ITGA8: variants seen among roughly 807,000 people sequenced by gnomAD.
The protein encoded by ITGA8 is integrin subunit alpha 8, also known as integrin alpha-8.
In ITGA8, 91 loss-of-function variants were observed where a neutral mutation model predicts 142.3. The ratio of observed to expected loss-of-function variants is 0.64; its 90% confidence interval spans 0.54 to 0.76. The LOEUF (loss-of-function observed/expected upper bound fraction) is 0.76, where lower values mean the gene tolerates loss of function less well. ITGA8 is among the 30% of genes least tolerant of loss of function. The pLI is 0.00. For missense variants in ITGA8, 1,406 were observed against 1,327.7 expected (o/e 1.06, Z -0.92); for synonymous variants, 505 against 485.2 (o/e 1.04, Z -0.54).
At chr10:15,628,333 T>C (rs941075337) in intron 13 of ITGA8, among the ~76,000 whole-genome samples, 5 of 126,920 alleles carry the variant, frequency 3.9e-5, no homozygotes, top group Admixed American at 2.4e-4. Flanking sequence ...GGTTTTTTTT[T>C]TTTTTTTTTT....
rs1564409337 is a variant in ITGA8, at chr10:15,687,969, G to C, written c.413C>G (p.Ala138Gly). ...IEFKSNQWFG[A>G]TVKAHKGKVV... ...TTTTCCTTTGTGAGCTTTCACTGTT[G>C]CTCCAAACCACTGATTGGATTTGAA... Residue 138 changes from alanine (A) to glycine (G), a missense_variant, in exon 3 of 30, where the codon GCA (alanine) becomes GGA (glycine). By Grantham distance (60) the Ala-to-Gly change is moderately conservative. Coordinates refer to ENST00000378076, the MANE Select transcript of ITGA8 (RefSeq NM_003638.3). 6.2e-7 allele frequency: 1 copy of C among 1,612,952 alleles called. No individual in the cohort carries two copies. Among genetic ancestry groups the C allele is most frequent in the East Asian group, 2.2e-5 (1 of 44,864 alleles).
At chr10:15,658,968 TTTTA>T (rs751074516) in intron 10 of ITGA8, 27 bp downstream of exon 10, 13 of 1,392,238 alleles carry the variant, frequency 9.3e-6, no homozygotes, top group Admixed American at 1.8e-5. Flanking sequence ...CCCAGAGTGA[TTTTA>T]TTTATTTGAT....
chr10:15,601,539 G>A (rs956654620), intron 20 of ITGA8, among the ~76,000 whole-genome samples: 6 of 152,122 alleles, frequency 3.9e-5, no homozygotes, highest in Non-Finnish European at 7.3e-5. Flanking sequence ...TCACTGAACT[G>A]CGCACTTGAA....
At chr10:15,521,415 T>C (rs891189309) in intron 28 of ITGA8, among the ~76,000 whole-genome samples, 3 of 152,038 alleles carry the variant, frequency 2.0e-5, no homozygotes, top group Non-Finnish European at 4.4e-5. Context: ...TTGATCCGCA[T>C]CCCCCATGCA....
chr10:15,614,326 C>T (rs1211741966), intron 14 of ITGA8, among the ~76,000 whole-genome samples: 1 of 152,096 alleles, frequency 6.6e-6, no homozygotes, highest in African/African-American at 2.4e-5. Flanking sequence ...TAATTCTGTA[C>T]ATCAGCCAGA....
At chr10:15,658,343 T>A (rs1347104265) in intron 10 of ITGA8, among the ~76,000 whole-genome samples, 1 of 152,158 alleles carries the variant, frequency 6.6e-6, no homozygotes, top group Non-Finnish European at 1.5e-5. Context: ...TATAGACTAT[T>A]GAAAGATTCA....
intron 2 of ITGA8, among the ~76,000 whole-genome samples, chr10:15,710,900 A>G (rs1835351759): frequency 6.6e-6 from 1 of 152,178 alleles, no homozygotes; most frequent in East Asian, 1.9e-4. Context: ...TCGTGTCAGT[A>G]TGTCCTGGAA....
intron 13 of ITGA8, among the ~76,000 whole-genome samples, chr10:15,639,667 G>A (rs1386921024): frequency 6.6e-6 from 1 of 152,212 alleles, no homozygotes; most frequent in African/African-American, 2.4e-5. Flanking sequence ...TGTTTGCACA[G>A]TCAGCAGGGA....
chr10:15,672,530 A>C (rs1297063506), intron 7 of ITGA8, 94 bp downstream of exon 7: 3 of 1,419,596 alleles, frequency 2.1e-6, no homozygotes, highest in African/African-American at 2.9e-5. Context: ...TAAGATGCCA[A>C]ATAACATCGG....
chr10:15,635,338 A>C (rs1284731881), intron 13 of ITGA8, among the ~76,000 whole-genome samples: 1 of 152,136 alleles, frequency 6.6e-6, no homozygotes, highest in Non-Finnish European at 1.5e-5. Flanking sequence ...GATCCTTAAT[A>C]ATCTACCCAA....
intron 2 of ITGA8, among the ~76,000 whole-genome samples, chr10:15,713,326 G>T (rs1405418190): frequency 6.6e-6 from 1 of 152,176 alleles, no homozygotes; most frequent in African/African-American, 2.4e-5. Context: ...TGTGGTGTGT[G>T]CTTGTGTGCA....
In ITGA8 at chr10:15,597,237, G is replaced by T; in HGVS notation, c.2181C>A (p.Asp727Glu). Residue 727 changes from aspartate to glutamate, a missense_variant, in exon 21 of 30, where the codon GAC (aspartate) becomes GAA (glutamate). Asp to Glu is a conservative substitution (Grantham distance 45). Coordinates refer to ENST00000378076, the MANE Select transcript of ITGA8 (RefSeq NM_003638.3). The part of the protein sequence containing the change: ...MENVTRMVVC[D>E]LGNPMVSGTN... ...TTCCAGACACCATAGGGTTCCCAAG[G>T]TCACACACCACCATCCTGGTTACAT... 7 of 1,613,910 alleles carry T rather than the reference G, an allele frequency of 4.3e-6. No individual in the cohort carries two copies. The highest frequency in any genetic ancestry group is 5.9e-6 in the Non-Finnish European group (7 of 1,179,862).
At chr10:15,712,537 G>A (rs1175692654) in intron 2 of ITGA8, among the ~76,000 whole-genome samples, 1 of 152,032 alleles carries the variant, frequency 6.6e-6, no homozygotes, top group Admixed American at 6.6e-5. Flanking sequence ...GGAGATGGAG[G>A]TTGCAGTTAG....
chr10:15,674,532 A>G, intron 6 of ITGA8, among the ~76,000 whole-genome samples: 1 of 152,252 alleles, frequency 6.6e-6, no homozygotes, highest in East Asian at 1.9e-4. Flanking sequence ...CAAAATATAT[A>G]GTTTTTCAGT....
intron 26 of ITGA8, among the ~76,000 whole-genome samples, chr10:15,551,826 C>A (rs559039477): frequency 6.6e-6 from 1 of 152,040 alleles, no homozygotes; most frequent in African/African-American, 2.4e-5. Context: ...GACTCCAGGA[C>A]ATAGGGGGTC....
chr10:15,517,202 T>A lies in ITGA8; in HGVS notation c.3148A>T (p.Thr1050Ser). The A allele has an allele frequency of 6.2e-7, 1 of 1,613,666 alleles. No homozygotes were observed. Among genetic ancestry groups the A allele is most frequent in the Non-Finnish European group, 8.5e-7 (1 of 1,179,706 alleles). Residue 1050 changes from threonine to serine, a missense_variant, in exon 30 of 30, where the codon ACC (threonine) becomes TCC (serine). Thr to Ser is a moderately conservative substitution (Grantham distance 58). Transcript: ENST00000378076. ...TCATTTGTCAGCTGTTCCCTGTCGG[T>A]CATGTCCTCCTGAGGAGGTCTGGCT... ...DRARPPQEDM[T>S]DREQLTNDKT...
intron 11 of ITGA8, among the ~76,000 whole-genome samples, chr10:15,648,595 A>T (rs1160179111): frequency 1.3e-5 from 2 of 151,942 alleles, no homozygotes; most frequent in African/African-American, 4.8e-5. Context: ...TTACTAACAG[A>T]TTCCATATCA....
intron 2 of ITGA8, among the ~76,000 whole-genome samples, chr10:15,702,581 G>A (rs539455008): frequency 4.6e-5 from 7 of 152,212 alleles, no homozygotes; most frequent in African/African-American, 9.6e-5. Flanking sequence ...GTGAGCCACC[G>A]CGCGTGGCCC....
chr10:15,718,637 T>C (rs1835497643), intron 2 of ITGA8, 129 bp downstream of exon 2: 2 of 1,165,332 alleles, frequency 1.7e-6, no homozygotes, highest in Non-Finnish European at 2.4e-6. Flanking sequence ...GAGACCCACA[T>C]AGCCCACAAT....
Sources: allele counts gnomAD v4.1 joint callset (sites outside exome capture counted in the v4.1 genomes callset), GRCh38; gene constraint gnomAD v4.1.1; transcripts MANE v1.5; gene names NCBI Gene and HGNC (gene_info 2026-07-23, HGNC 2026-07-21).